BORCS5: variants seen among roughly 807,000 people sequenced by gnomAD.
The protein encoded by BORCS5 is BLOC-1-related complex subunit 5.
BORCS5 carries 17 observed loss-of-function variants against 22.1 expected under a neutral mutation model. The ratio of observed to expected loss-of-function variants is 0.77; its 90% confidence interval spans 0.53 to 1.15. The LOEUF (loss-of-function observed/expected upper bound fraction) is 1.15, where lower values mean the gene tolerates loss of function less well. Ranked by LOEUF, BORCS5 falls within the 50% of genes most tolerant of loss-of-function variation. The pLI is 0.00. For missense variants in BORCS5, 247 were observed against 253.2 expected (o/e 0.98, Z 0.17); for synonymous variants, 117 against 99.8 (o/e 1.17, Z -1.03).
chr12:12,403,500 AG>A (rs760299367), intron 2 of BORCS5, among the ~76,000 whole-genome samples: 12 of 152,152 alleles, frequency 7.9e-5, no homozygotes, highest in Non-Finnish European at 1.2e-4. Context: ...CCTGCTTCTG[AG>A]GAAACTGAAG....
intron 2 of BORCS5, among the ~76,000 whole-genome samples, chr12:12,373,371 G>C (rs1382455592): frequency 6.6e-6 from 1 of 152,196 alleles, no homozygotes; most frequent in Non-Finnish European, 1.5e-5. Flanking sequence ...TCCCTGGTCT[G>C]CCTCTTGGAA....
intron 2 of BORCS5, among the ~76,000 whole-genome samples, chr12:12,372,291 C>T (rs762143839): frequency 5.3e-5 from 8 of 152,164 alleles, no homozygotes; most frequent in African/African-American, 1.7e-4. Flanking sequence ...CCACCTGCCT[C>T]GGCTTCCTAA....
chr12:12,427,105 A>G (rs982820751), intron 2 of BORCS5, among the ~76,000 whole-genome samples: 1 of 151,986 alleles, frequency 6.6e-6, no homozygotes. Flanking sequence ...GAAGGAATCA[A>G]TCACTAACGC....
intron 3 of BORCS5, among the ~76,000 whole-genome samples, chr12:12,462,170 C>T: frequency 6.6e-6 from 1 of 152,224 alleles, no homozygotes; most frequent in East Asian, 1.9e-4. Flanking sequence ...GTGGTAATAG[C>T]TCACACTTAC....
intron 2 of BORCS5, among the ~76,000 whole-genome samples, chr12:12,377,303 C>A (rs767178136): frequency 6.6e-6 from 1 of 151,926 alleles, no homozygotes; most frequent in Non-Finnish European, 1.5e-5. Context: ...CTCGGCCTCC[C>A]GAGTAGTTGG....
chr12:12,362,380 T>G (rs1863305932), intron 2 of BORCS5, among the ~76,000 whole-genome samples: 3 of 152,318 alleles, frequency 2.0e-5, no homozygotes, highest in Admixed American at 1.3e-4. Flanking sequence ...TACCAGTGCT[T>G]CATCTGTTTC....
intron 2 of BORCS5, among the ~76,000 whole-genome samples, chr12:12,424,656 G>T (rs944147116): frequency 4.0e-5 from 6 of 150,312 alleles, no homozygotes; most frequent in African/African-American, 1.5e-4. Context: ...TATGGTAACT[G>T]TGGAAACAGA....
Position 12,465,802 on chromosome 12 carries a change from G to C in BORCS5, c.*26G>C. ...CTGCTGCCCGGCCTGCCTGGGGCTGGGAGCCCCAGACACCGACACCCTGAG... is the reference window on the plus strand; with the variant it reads ...CTGCTGCCCGGCCTGCCTGGGGCTGCGAGCCCCAGACACCGACACCCTGAG... On this transcript the variant is annotated 3_prime_UTR_variant, in exon 4 of 4. Coordinates refer to ENST00000314565, the MANE Select transcript of BORCS5 (RefSeq NM_058169.6). 1.3e-6 allele frequency: 2 copies of C among 1,583,638 alleles called. No individual in the cohort carries two copies. The highest frequency in any genetic ancestry group is 1.7e-6 in the Non-Finnish European group (2 of 1,160,020).
chr12:12,469,502 C>T lies in BORCS5; in HGVS notation c.*3726C>T, dbSNP rs941918964. The T allele has an allele frequency of 3.3e-5, 5 of 152,240 alleles. No homozygotes were observed. Among genetic ancestry groups the T allele is most frequent in the African/African-American group, 4.8e-5 (2 of 41,462 alleles). The allele number at this position is 152,240 out of a possible 1,614,324, so 9.4% of individuals were successfully genotyped here. On this transcript the variant is annotated 3_prime_UTR_variant, in exon 4 of 4. Coordinates refer to ENST00000314565, the MANE Select transcript of BORCS5 (RefSeq NM_058169.6). ...AAAGAGGTTGGTACTGTTACCCTTA[C>T]GTTATAGGTATTACAAACTCGGTTT... is the stretch of plus-strand genomic sequence containing the variant.
At chr12:12,377,394 G>A (rs1863680041) in intron 2 of BORCS5, among the ~76,000 whole-genome samples, 1 of 151,992 alleles carries the variant, frequency 6.6e-6, no homozygotes, top group Non-Finnish European at 1.5e-5. Flanking sequence ...GGCCAGGCTG[G>A]TCTCAAACTC....
chr12:12,424,545 T>C (rs138139175), intron 2 of BORCS5, among the ~76,000 whole-genome samples: 239 of 152,278 alleles, frequency 1.6e-3, no homozygotes, highest in Non-Finnish European at 2.5e-3. Flanking sequence ...GGACAGTATC[T>C]GTTGGTTTAT....
intron 2 of BORCS5, among the ~76,000 whole-genome samples, chr12:12,393,355 G>A (rs1029522205): frequency 1.3e-5 from 2 of 152,062 alleles, no homozygotes; most frequent in East Asian, 1.9e-4. Context: ...CAGGTGTACA[G>A]TAACCATTGC....
rs919749897 is a variant in BORCS5 at position 12,391,336 on chromosome 12, T to TA, written c.202+29990dup. 2.4e-4 allele frequency among the ~76,000 whole-genome samples: 36 copies of TA among 152,046 alleles called. 1 individual carries two copies. The highest frequency in any genetic ancestry group is 7.2e-4 in the African/African-American group (30 of 41,426). The stretch of plus-strand genomic sequence containing the variant: ...GCATATCAATCACATTGGTAGGTGG[T>TA]AAAGTGTTGGACAGAATATCTGACA... On this transcript the variant is annotated intron_variant, in intron 2 of 3. Transcript: ENST00000314565.
intron 3 of BORCS5, among the ~76,000 whole-genome samples, chr12:12,450,105 A>G (rs1942880966): frequency 1.3e-5 from 2 of 152,246 alleles, no homozygotes; most frequent in Non-Finnish European, 2.9e-5. Context: ...AGAACAAACT[A>G]TGGAAAAGGA....
intron 3 of BORCS5, among the ~76,000 whole-genome samples, chr12:12,457,015 C>G (rs1244883276): frequency 6.6e-6 from 1 of 151,940 alleles, no homozygotes; most frequent in African/African-American, 2.4e-5. Flanking sequence ...GTTTTTTATT[C>G]TGCTTTCATG....
chr12:12,432,040 T>A (rs1565908309), intron 2 of BORCS5, among the ~76,000 whole-genome samples: 1 of 152,232 alleles, frequency 6.6e-6, no homozygotes, highest in Non-Finnish European at 1.5e-5. Context: ...AAGTTTACCC[T>A]ATGTGATATG....
chr12:12,430,343 G>A (rs1942392046), intron 2 of BORCS5, among the ~76,000 whole-genome samples: 1 of 151,932 alleles, frequency 6.6e-6, no homozygotes, highest in Admixed American at 6.6e-5. Context: ...AGTAGAGACG[G>A]GGTTTCACCA....
At chr12:12,462,682 A>C (rs1198777200) in intron 3 of BORCS5, among the ~76,000 whole-genome samples, 1 of 124,880 alleles carries the variant, frequency 8.0e-6, no homozygotes, top group Non-Finnish European at 1.7e-5. Context: ...TTGGAGATGG[A>C]GTCTCGCTCT....
At position 12,380,242 on chromosome 12, in the gene BORCS5, A is replaced by G. The variant is rs1430102668; in HGVS notation, c.202+18893A>G. 4.0e-5 allele frequency among the ~76,000 whole-genome samples: 6 copies of G among 151,324 alleles called. 1 individual carries two copies. The highest frequency in any genetic ancestry group is 5.9e-5 in the Non-Finnish European group (4 of 67,678). On this transcript the variant is annotated intron_variant, in intron 2 of 3. Coordinates refer to ENST00000314565, the MANE Select transcript of BORCS5 (RefSeq NM_058169.6). ...TTGAAATATTGCAAGAATTACCAAA[A>G]TGTGACAGACATGAAGTAAGCACCC... is the stretch of plus-strand genomic sequence containing the variant.
Sources: allele counts gnomAD v4.1 joint callset (sites outside exome capture counted in the v4.1 genomes callset), GRCh38; gene constraint gnomAD v4.1.1; transcripts MANE v1.5; gene names NCBI Gene and HGNC (gene_info 2026-07-23, HGNC 2026-07-21).